ZNF74: variants seen among roughly 807,000 people sequenced by gnomAD.
ZNF74 encodes zinc finger protein 74, also known as zinc finger protein 520.
Under a neutral mutation model 17.7 loss-of-function variants are expected in ZNF74, and 12 were observed. The ratio of observed to expected loss-of-function variants is 0.68; its 90% CI spans 0.43 to 1.10. ZNF74 has a LOEUF of 1.10. Ranked by LOEUF, ZNF74 falls within the 50% of genes least tolerant of loss-of-function variation. The pLI is 0.00. For synonymous variants in ZNF74, 358 were observed against 362.1 expected (o/e 0.99, Z 0.13); for missense variants, 811 against 881.0 (o/e 0.92, Z 1.01).
At position 20,405,863 on chromosome 22, in the gene ZNF74, A is replaced by G; in HGVS notation, c.830A>G (p.Lys277Arg). 6.2e-7 allele frequency: 1 copy of G among 1,613,728 alleles called. No homozygotes were observed. Among genetic ancestry groups the G allele is most frequent in the Non-Finnish European group, 8.5e-7 (1 of 1,179,914 alleles). ...TGGCACAGCCGGGAGAAGGCTTACAAGTGCGATGAATGCGGCAAGGCCTTC... is the reference window on the plus strand; with the variant it reads ...TGGCACAGCCGGGAGAAGGCTTACAGGTGCGATGAATGCGGCAAGGCCTTC... Reference protein sequence around the residue: ...RRWHSREKAYKCDECGKAFTW... With the variant: ...RRWHSREKAYRCDECGKAFTW... The change falls in exon 5 of 5, where the codon AAG becomes AGG. Residue 277 changes from lysine to arginine, a missense_variant. Transcript: ENST00000400451.
At chr22:20,398,811 T>G (rs362164) in intron 2 of ZNF74, among the ~76,000 whole-genome samples, 1 of 151,904 alleles carries the variant, frequency 6.6e-6, no homozygotes, top group African/African-American at 2.4e-5. Context: ...GCATTCAGCG[T>G]TGTAAATTTC....
At chr22:20,398,602 T>C (rs1324037730) in intron 2 of ZNF74, among the ~76,000 whole-genome samples, 1 of 152,200 alleles carries the variant, frequency 6.6e-6, no homozygotes, top group East Asian at 1.9e-4. Flanking sequence ...ATAGTAAATA[T>C]ATGTTTGTCA....
At chr22:20,400,905 C>T in intron 3 of ZNF74, 147 bp downstream of exon 3, 1 of 1,000,700 alleles carries the variant, frequency 1.0e-6, no homozygotes, top group Non-Finnish European at 1.5e-6. Flanking sequence ...GCACTCATGG[C>T]CAGGGGCCTC....
In ZNF74 at chr22:20,400,676, G is replaced by C. The variant is rs2052346624; in HGVS notation, c.165G>C (p.Glu55Asp). The C allele has an allele frequency of 6.2e-7, 1 of 1,613,998 alleles. No homozygotes were observed. Among genetic ancestry groups the C allele is most frequent in the Non-Finnish European group, 8.5e-7 (1 of 1,179,994 alleles). Residue 55 changes from glutamate to aspartate, a missense_variant, in exon 3 of 5, where the codon GAG (glutamate) becomes GAC (aspartate). Physicochemically the swap from Glu to Asp is conservative, Grantham distance 45. Coordinates refer to ENST00000400451, the MANE Select transcript of ZNF74 (RefSeq NM_003426.4). ...FKDVAVDFTQ[E>D]EWGQLDSPQR... Reference sequence around the variant, plus strand: ...ATGTGGCTGTGGACTTCACCCAGGAGGAGTGGGGTCAACTAGACTCCCCTC... The same window carrying C: ...ATGTGGCTGTGGACTTCACCCAGGACGAGTGGGGTCAACTAGACTCCCCTC...
At position 20,403,131 on chromosome 22, in the gene ZNF74, CT is replaced by C. The variant is rs537968273; in HGVS notation, c.343+1760del. On this transcript the variant is annotated intron_variant, in intron 4 of 4. Coordinates refer to ENST00000400451, the MANE Select transcript of ZNF74 (RefSeq NM_003426.4). ...AATGTGCCCTGCTGTGTTGTTGGCC[CT>C]ATTGCTGCCAAAACAACTTTTTTCT... Among the ~76,000 whole-genome samples, 1,078 of 152,202 alleles carry C rather than the reference CT, an allele frequency of 7.1e-3. 12 individuals carry two copies. Among genetic ancestry groups the C allele is most frequent in the African/African-American group, 0.024 (1,014 of 41,498 alleles).
At chr22:20,402,457 A>G (rs2052369337) in intron 4 of ZNF74, among the ~76,000 whole-genome samples, 1 of 152,086 alleles carries the variant, frequency 6.6e-6, no homozygotes, top group African/African-American at 2.4e-5. Context: ...CTAATAACTG[A>G]CCATGTCACT....
rs1383998240 is a variant in ZNF74 at position 20,405,518 on chromosome 22, C to T, written c.485C>T (p.Ala162Val). 3.7e-6 allele frequency: 6 copies of T among 1,601,392 alleles called. No individual in the cohort carries two copies. In the South Asian group the frequency reaches 5.6e-5, roughly 15 times the overall value. Residue 162 changes from alanine to valine, a missense_variant, in exon 5 of 5, where the codon GCG becomes GTG. Ala to Val is a moderately conservative substitution (Grantham distance 64, BLOSUM62 0). This residue lies in a region of ZNF74 where 666 missense variants were observed against 702.3 expected (regional missense o/e 0.95). Coordinates refer to ENST00000400451, the MANE Select transcript of ZNF74 (RefSeq NM_003426.4). ...GGTGCTCTGCAGAGGAGTCAGGCTGCGCCCTGGGCGCCCGCACCTGCCATG... is the reference window on the plus strand; with the variant it reads ...GGTGCTCTGCAGAGGAGTCAGGCTGTGCCCTGGGCGCCCGCACCTGCCATG... ...QAGALQRSQAAPWAPAPAMVW... is the reference protein window; with the variant it reads ...QAGALQRSQAVPWAPAPAMVW...
Position 20,394,777 on chromosome 22 carries a change from A to T in ZNF74, c.34+115A>T, listed in dbSNP as rs1343163014. On this transcript the variant is annotated intron_variant, in intron 1 of 4. Coordinates refer to ENST00000400451, the MANE Select transcript of ZNF74 (RefSeq NM_003426.4). The stretch of plus-strand genomic sequence containing the variant: ...ATCCAGCATCTTTTTTTTTTTTTTT[A>T]AATGGAATCTCACTCTGTCACCCAG... 1,824 of 778,784 alleles carry T rather than the reference A, an allele frequency of 2.3e-3. 11 individuals carry two copies. The African/African-American group carries it at 0.024, about 10-fold the overall frequency. The allele number at this position is 778,784 out of a possible 1,614,324, so 48.2% of individuals were successfully genotyped here. A position where few individuals can be genotyped will look rare whatever the true frequency, so the allele number is the denominator to read the frequency against.
intron 2 of ZNF74, 117 bp from the exon 3 acceptor site, chr22:20,400,515 T>G: frequency 7.9e-7 from 1 of 1,270,084 alleles, no homozygotes; most frequent in Non-Finnish European, 1.1e-6. Flanking sequence ...CCTTCTGGCA[T>G]GGGAGAAGGT....
At chr22:20,404,545 A>G (rs765751258) in intron 4 of ZNF74, among the ~76,000 whole-genome samples, 1 of 151,970 alleles carries the variant, frequency 6.6e-6, no homozygotes, top group Non-Finnish European at 1.5e-5. Context: ...GCTGGTCTTG[A>G]TCTGGGCTCA....
chr22:20,404,664 C>T (rs737811), intron 4 of ZNF74, among the ~76,000 whole-genome samples: 28,653 of 152,084 alleles, frequency 0.19, 3,434 homozygotes, highest in South Asian at 0.29. Flanking sequence ...TTGGACTCGA[C>T]TCTTGGACTA....
At chr22:20,405,302 C>A in intron 4 of ZNF74, 75 bp from the exon 5 acceptor site, 1 of 1,474,672 alleles carries the variant, frequency 6.8e-7, no homozygotes, top group Non-Finnish European at 9.2e-7. Context: ...TCTGCATCTC[C>A]AGGCCAATTC....
chr22:20,396,166 TTG>T lies in ZNF74; in HGVS notation c.120+750_120+751del, dbSNP rs374948835. 2.4e-3 allele frequency among the ~76,000 whole-genome samples: 351 copies of T among 143,840 alleles called. 1 individual carries two copies. Among genetic ancestry groups the T allele is most frequent in the African/African-American group, 8.7e-3 (317 of 36,564 alleles). The allele number at this position is 143,840 out of a possible 152,430, so 94.4% of individuals were successfully genotyped here. A position where few individuals can be genotyped will look rare whatever the true frequency, so the allele number is the denominator to read the frequency against. ...GGAGGAATAAGGGGTCTTTGGGTTT[TTG>T]TTTTTTTTTTAGCATTTTGTGATTT... On this transcript the variant is annotated intron_variant, in intron 2 of 4. Coordinates refer to ENST00000400451, the MANE Select transcript of ZNF74 (RefSeq NM_003426.4).
chr22:20,398,990 T>C (rs574637253), intron 2 of ZNF74, among the ~76,000 whole-genome samples: 6 of 152,340 alleles, frequency 3.9e-5, no homozygotes, highest in Admixed American at 1.3e-4. Context: ...GATAACTTTC[T>C]ATTATGGATT....
Position 20,394,469 on chromosome 22 carries a change from T to G in ZNF74, c.-160T>G. 1 of 702,908 alleles carries G rather than the reference T, an allele frequency of 1.4e-6. No homozygotes were observed. Among genetic ancestry groups the G allele is most frequent in the East Asian group, 2.7e-5 (1 of 36,714 alleles). The allele number at this position is 702,908 out of a possible 1,614,324, so 43.5% of individuals were successfully genotyped here. ...CCTCAGCCGGGCGCGGGGAGGGGGCTCCGTGCGTGTGATCGTGCAGCTGTG... is the reference window on the plus strand; with the variant it reads ...CCTCAGCCGGGCGCGGGGAGGGGGCGCCGTGCGTGTGATCGTGCAGCTGTG... On this transcript the variant is annotated 5_prime_UTR_variant, in exon 1 of 5. Transcript: ENST00000400451.
intron 4 of ZNF74, among the ~76,000 whole-genome samples, chr22:20,404,876 C>T (rs1216234279): frequency 6.6e-6 from 1 of 152,148 alleles, no homozygotes; most frequent in East Asian, 1.9e-4. Flanking sequence ...GGAGGCGGAG[C>T]TTGCAGTGAG....
intron 2 of ZNF74, 145 bp from the exon 3 acceptor site, chr22:20,400,487 T>C (rs1166486053): frequency 1.1e-6 from 1 of 920,932 alleles, no homozygotes; most frequent in African/African-American, 1.6e-5. Flanking sequence ...TCAGTCATGG[T>C]CAGTGTCTAC....
Position 20,406,040 on chromosome 22 carries a change from C to G in ZNF74, c.1007C>G (p.Ala336Gly). 1 of 1,609,404 alleles carries G rather than the reference C, an allele frequency of 6.2e-7. No homozygotes were observed. The highest frequency in any genetic ancestry group is 8.5e-7 in the Non-Finnish European group (1 of 1,178,330). ...HTGERPYKCSACEKAFSCSSL... is the reference protein window; with the variant it reads ...HTGERPYKCSGCEKAFSCSSL... ...GGCGAGCGGCCCTACAAGTGCAGCG[C>G]CTGCGAGAAGGCCTTCAGCTGCAGC... is the stretch of plus-strand genomic sequence containing the variant. The change falls in exon 5 of 5, where the codon GCC (alanine) becomes GGC (glycine). Residue 336 changes from alanine to glycine, a missense_variant. Physicochemically the swap from Ala to Gly is moderately conservative, Grantham distance 60. Around this residue, in one of 3 missense-constraint regions of ZNF74, gnomAD observed 666 missense variants for 702.3 expected, o/e 0.95. Transcript: ENST00000400451.
In ZNF74 at chr22:20,405,631, A is replaced by G; in HGVS notation, c.598A>G (p.Thr200Ala). ...RVPEGGPLLD[T>A]RKNVQATEGR... Reference sequence around the variant, plus strand: ...TCCCGAGGGGGGACCCTTGCTGGACACACGCAAGAACGTCCAGGCCACTGA... The same window carrying G: ...TCCCGAGGGGGGACCCTTGCTGGACGCACGCAAGAACGTCCAGGCCACTGA... The change falls in exon 5 of 5, where the codon ACA becomes GCA. Residue 200 changes from threonine (T) to alanine (A), a missense_variant. Transcript: ENST00000400451. 1 of 1,613,206 alleles carries G rather than the reference A, an allele frequency of 6.2e-7. No individual in the cohort carries two copies. Among genetic ancestry groups the G allele is most frequent in the Non-Finnish European group, 8.5e-7 (1 of 1,179,658 alleles).
Sources: allele counts gnomAD v4.1 joint callset (sites outside exome capture counted in the v4.1 genomes callset), GRCh38; gene constraint gnomAD v4.1.1; regional missense constraint gnomAD v4.1.1; transcripts MANE v1.5; gene names NCBI Gene and HGNC (gene_info 2026-07-23, HGNC 2026-07-21).